The following TASOR variants were observed in gnomAD, a reference collection of about 807,000 sequenced individuals.
TASOR encodes transcription activation suppressor, also known as protein TASOR.
A neutral mutation model predicts 178.6 loss-of-function variants in TASOR; 53 were observed. That is an observed-to-expected ratio of 0.30 (90% CI 0.24 to 0.37). The LOEUF (loss-of-function observed/expected upper bound fraction) is 0.37. TASOR is among the 10% of genes least tolerant of loss of function. The pLI is 1.00. For synonymous variants in TASOR, 713 were observed against 696.2 expected (o/e 1.02, Z -0.38); for missense variants, 1,815 against 1,971.4 (o/e 0.92, Z 1.50).
rs190855744 is a variant in TASOR, at chr3:56,653,325, A to T, written c.1369-4268T>A. ...GCTAAAGAAAATGAGGGAGAAGTAC[A>T]ATAAAAGAGATAACTAATTTTCCAG... On this transcript the variant is annotated intron_variant, in intron 11 of 23. Transcript: ENST00000683822. Among the ~76,000 whole-genome samples, 10 of 150,316 alleles carry T rather than the reference A, an allele frequency of 6.7e-5. No homozygotes were observed. The East Asian group carries it at 1.6e-3, about 23-fold the overall frequency.
chr3:56,655,222 G>A (rs1277558853), intron 11 of TASOR, among the ~76,000 whole-genome samples: 1 of 152,014 alleles, frequency 6.6e-6, no homozygotes, highest in Non-Finnish European at 1.5e-5. Flanking sequence ...AATCAAGAAG[G>A]CAAGAATGCC....
intron 7 of TASOR, among the ~76,000 whole-genome samples, chr3:56,664,989 A>G (rs1415546697): frequency 1.3e-5 from 2 of 152,216 alleles, no homozygotes; most frequent in Non-Finnish European, 2.9e-5. Flanking sequence ...AGCCTGGCCA[A>G]CACAGCAAGA....
chr3:56,626,975 GAA>G (rs2076813146), intron 21 of TASOR, 60 bp downstream of exon 21: 1 of 1,019,588 alleles, frequency 9.8e-7, no homozygotes, highest in Admixed American at 2.2e-5. Context: ...TGGGAAGAGA[GAA>G]ATATTATGAG....
At position 56,633,475 on chromosome 3, in the gene TASOR, C is replaced by T. The variant is rs368985070; in HGVS notation, c.3316G>A (p.Asp1106Asn). 3.7e-6 allele frequency: 6 copies of T among 1,613,990 alleles called. No individual in the cohort carries two copies. Among genetic ancestry groups the T allele is most frequent in the African/African-American group, 2.7e-5 (2 of 74,922 alleles). ...TTCGATGCTATCTTAGCACCAGAAT[C>T]GTTAGGACTGACTGGTGGCAAATTC... ...GGNLPPVSPN[D>N]SGAKIASNPL... Residue 1106 changes from aspartate (D) to asparagine (N), a missense_variant, in exon 18 of 24, where the codon GAT becomes AAT. By Grantham distance (23) the Asp-to-Asn change is conservative (BLOSUM62 1). This residue lies in a region of TASOR where 655 missense variants were observed against 671.1 expected (regional missense o/e 0.98). Coordinates refer to ENST00000683822, the MANE Select transcript of TASOR (RefSeq NM_001365635.2).
intron 19 of TASOR, among the ~76,000 whole-genome samples, chr3:56,628,171 A>G (rs541741388): frequency 1.1e-4 from 16 of 152,340 alleles, no homozygotes; most frequent in Admixed American, 9.1e-4. Context: ...TCTGGCAAAG[A>G]TGGAGCACAA....
rs745425737 is a variant in TASOR, at chr3:56,660,751, T to C, written c.1348A>G (p.Lys450Glu). Residue 450 changes from lysine to glutamate, a missense_variant, in exon 11 of 24, where the codon AAA (lysine) becomes GAA (glutamate). By Grantham distance (56) the Lys-to-Glu change is moderately conservative (BLOSUM62 1). Around this residue, in one of 5 missense-constraint regions of TASOR, gnomAD observed 504 missense variants for 645.3 expected, o/e 0.78. Transcript: ENST00000683822. ...IGSNMESLLQ[K>E]LDREKLVLVK... is the part of the protein sequence containing the mutation. Reference sequence around the variant, plus strand: ...CTCACAAGTTTTTCTCTGTCTAGTTTTTGCAGTAAACTCTCCATGTTACTT... The same window carrying C: ...CTCACAAGTTTTTCTCTGTCTAGTTCTTGCAGTAAACTCTCCATGTTACTT... The C allele has an allele frequency of 6.2e-7, 1 of 1,613,390 alleles. No homozygotes were observed.
At chr3:56,627,434 G>C (rs2076823073) in intron 20 of TASOR, 148 bp downstream of exon 20, 1 of 889,224 alleles carries the variant, frequency 1.1e-6, no homozygotes, top group Non-Finnish European at 1.7e-6. Context: ...ATTGGTCTAA[G>C]AGAAGGAGAA....
chr3:56,641,629 G>T lies in TASOR; in HGVS notation c.2339C>A (p.Ala780Glu), dbSNP rs375228503. Residue 780 changes from alanine (A) to glutamate (E), a missense_variant, in exon 15 of 24, where the codon GCA (alanine) becomes GAA (glutamate). Physicochemically the swap from Ala to Glu is moderately radical, Grantham distance 107 (BLOSUM62 -1). Transcript: ENST00000683822. ...RLFNWLSETL[A>E]NARHSDASLT... ...AGATGCATCAGAATGGCGCGCATTT[G>T]CTAGTGTTTCTGATAACCAATTAAA... 1.4e-5 allele frequency: 22 copies of T among 1,614,052 alleles called. No individual in the cohort carries two copies. The highest frequency in any genetic ancestry group is 1.9e-5 in the Non-Finnish European group (22 of 1,180,038).
At chr3:56,678,994 A>G (rs148758311) in intron 1 of TASOR, among the ~76,000 whole-genome samples, 2 of 142,038 alleles carry the variant, frequency 1.4e-5, no homozygotes, top group African/African-American at 5.5e-5. Context: ...CCTGGGCAAC[A>G]GAGGCTCTGA....
At chr3:56,647,670 C>T (rs1309533557) in intron 13 of TASOR, among the ~76,000 whole-genome samples, 3 of 152,156 alleles carry the variant, frequency 2.0e-5, no homozygotes, top group African/African-American at 7.2e-5. Context: ...TGAGTAGCCA[C>T]AACTGAGAAA....
Position 56,621,469 on chromosome 3 carries a change from A to T in TASOR, c.*1568T>A. Reference sequence around the variant, plus strand: ...TTCCAAGTGAATATAATTCTAGTTTAACACAACATTGCAAGTCAGGTGTGC... The same window carrying T: ...TTCCAAGTGAATATAATTCTAGTTTTACACAACATTGCAAGTCAGGTGTGC... On this transcript the variant is annotated 3_prime_UTR_variant, in exon 24 of 24. Coordinates refer to ENST00000683822, the MANE Select transcript of TASOR (RefSeq NM_001365635.2). 1 of 1,082,444 alleles carries T rather than the reference A, an allele frequency of 9.2e-7. No homozygotes were observed. Among genetic ancestry groups the T allele is most frequent in the Non-Finnish European group, 1.3e-6 (1 of 748,448 alleles). 67.1% of individuals were successfully genotyped at this position (1,082,444 alleles called of 1,614,324 possible).
Position 56,648,858 on chromosome 3 carries a change from A to C in TASOR, c.1477T>G (p.Leu493Val), listed in dbSNP as rs11917222. 1.9e-6 allele frequency: 3 copies of C among 1,612,160 alleles called. No individual in the cohort carries two copies. In the African/African-American group the frequency reaches 4.0e-5, roughly 22 times the overall value. The change falls in exon 13 of 24, where the codon TTG becomes GTG. Residue 493 changes from leucine to valine, a missense_variant. This residue lies in a region of TASOR where 504 missense variants were observed against 645.3 expected (regional missense o/e 0.78). Coordinates refer to ENST00000683822, the MANE Select transcript of TASOR (RefSeq NM_001365635.2). ...CTTCTAGGTTCTTGAAATAGAAACA[A>C]AGCATGTAGGACTCGAGACTTGGCA... ...QTAKSRVLHA[L>V]FLFQEPRSIV... is the part of the protein sequence containing the mutation.
At chr3:56,664,424 A>T (rs2077664336) in intron 7 of TASOR, 1 of 152,204 alleles carries the variant, frequency 6.6e-6, no homozygotes, top group South Asian at 2.1e-4. Context: ...TATCACAGTG[A>T]TCATAAATTT....
chr3:56,623,913 A>G, intron 23 of TASOR: 1 of 1,242,106 alleles, frequency 8.1e-7, no homozygotes, highest in Non-Finnish European at 1.1e-6. Flanking sequence ...ATCTAGCTTC[A>G]CTGGATTACT....
chr3:56,643,212 G>A (rs1305507268), intron 14 of TASOR, among the ~76,000 whole-genome samples: 3 of 151,468 alleles, frequency 2.0e-5, no homozygotes, highest in Admixed American at 6.6e-5. Flanking sequence ...GCAATGAGCC[G>A]AGATCGGGTC....
Position 56,641,629 on chromosome 3 carries a change from G to C in TASOR, c.2339C>G (p.Ala780Gly). 1 of 1,614,170 alleles carries C rather than the reference G, an allele frequency of 6.2e-7. No individual in the cohort carries two copies. The highest frequency in any genetic ancestry group is 8.5e-7 in the Non-Finnish European group (1 of 1,180,030). Residue 780 changes from alanine to glycine, a missense_variant, in exon 15 of 24, where the codon GCA becomes GGA. Physicochemically the swap from Ala to Gly is moderately conservative, Grantham distance 60 (BLOSUM62 0). Transcript: ENST00000683822. ...RLFNWLSETL[A>G]NARHSDASLT... is the part of the protein sequence containing the mutation. ...AGATGCATCAGAATGGCGCGCATTT[G>C]CTAGTGTTTCTGATAACCAATTAAA...
chr3:56,680,933 G>A (rs961454369), intron 1 of TASOR, among the ~76,000 whole-genome samples: 1 of 151,932 alleles, frequency 6.6e-6, no homozygotes, highest in African/African-American at 2.4e-5. Context: ...CTTTTAGTGT[G>A]TTCAGCTGAA....
chr3:56,668,281 A>C, intron 6 of TASOR, 116 bp downstream of exon 6: 3 of 931,910 alleles, frequency 3.2e-6, no homozygotes, highest in Non-Finnish European at 4.8e-6. Flanking sequence ...AGTGATATGC[A>C]GACACCAGAG....
At chr3:56,648,582 G>T (rs900439765) in intron 13 of TASOR, among the ~76,000 whole-genome samples, 1 of 139,520 alleles carries the variant, frequency 7.2e-6, no homozygotes, top group South Asian at 2.4e-4. Flanking sequence ...AGTGAGCTGA[G>T]ATCGCGCCCC....
Sources: gnomAD v4.1 joint callset for allele counts (sites outside exome capture counted in the v4.1 genomes callset) on GRCh38, gnomAD v4.1.1 for gene constraint, gnomAD v4.1.1 regional missense constraint, MANE v1.5 for transcripts, NCBI Gene and HGNC (gene_info 2026-07-23, HGNC 2026-07-21) for gene names.